Variants in C1RL observed in about 807,000 individuals in gnomAD.
C1RL encodes the protein complement C1r subcomponent-like protein.
C1RL carries 27 observed loss-of-function variants against 27.9 expected under a neutral mutation model. That is an observed-to-expected ratio of 0.97 (90% confidence interval 0.71 to 1.33). C1RL has a LOEUF of 1.33. Among genes scored for constraint, C1RL ranks in the 40% most tolerant of loss-of-function variants. The pLI, the probability that C1RL is intolerant of heterozygous loss-of-function variation, is 0.00. For missense variants in C1RL, 563 were observed against 623.9 expected (o/e 0.90, Z 1.04); for synonymous variants, 248 against 252.1 (o/e 0.98, Z 0.15).
chr12:7,094,896 TA>T lies in C1RL; in HGVS notation c.*1494del. 7 of 1,006,920 alleles carry T rather than the reference TA, an allele frequency of 7.0e-6. No individual in the cohort carries two copies. Among genetic ancestry groups the T allele is most frequent in the Non-Finnish European group, 8.3e-6 (7 of 842,190 alleles). The allele number at this position is 1,006,920 out of a possible 1,614,324, so 62.4% of individuals were successfully genotyped here. A position where few individuals can be genotyped will look rare whatever the true frequency, so the allele number is the denominator to read the frequency against. On this transcript the variant is annotated 3_prime_UTR_variant, in exon 6 of 6. Transcript: ENST00000266542. ...ACCTGCCTTTTGGGAATATTTTTAA[TA>T]ATCTTTTGTACTGTATGTGGGTGTA...
chr12:7,096,690 G>C lies in C1RL; in HGVS notation c.1165C>G (p.Leu389Val), dbSNP rs759069993. The C allele has an allele frequency of 6.2e-7, 1 of 1,613,972 alleles. No homozygotes were observed. Among genetic ancestry groups the C allele is most frequent in the Admixed American group, 1.7e-5 (1 of 59,998 alleles). ...GCTACAGGCAGCCTCGAGTACTTCAGCTCAGTAGTTAGCCAGCCCATCTCC... is the reference window on the plus strand; with the variant it reads ...GCTACAGGCAGCCTCGAGTACTTCACCTCAGTAGTTAGCCAGCCCATCTCC... The part of the protein sequence containing the change: ...GMEMGWLTTE[L>V]KYSRLPVAPR... Residue 389 changes from leucine to valine, a missense_variant, in exon 6 of 6, where the codon CTG becomes GTG. Coordinates refer to ENST00000266542, the MANE Select transcript of C1RL (RefSeq NM_016546.4).
At chr12:7,099,659 G>C in intron 5 of C1RL, 27 bp downstream of exon 5, 1 of 1,550,396 alleles carries the variant, frequency 6.4e-7, no homozygotes, top group Non-Finnish European at 8.7e-7. Flanking sequence ...CTTGTTGGGG[G>C]AATGGTGCTA....
intron 1 of C1RL, 98 bp downstream of exon 1, chr12:7,109,012 G>GTGTGTGT: frequency 6.1e-6 from 1 of 164,968 alleles, no homozygotes; most frequent in Admixed American, 1.1e-4. Context: ...ATGTGTGTGT[G>GTGTGTGT]GGGGGGGTAG....
At position 7,099,886 on chromosome 12, in the gene C1RL, C is replaced by T. The variant is rs1938563024; in HGVS notation, c.616+15G>A. 1.2e-6 allele frequency: 2 copies of T among 1,613,562 alleles called. No individual in the cohort carries two copies. Among genetic ancestry groups the T allele is most frequent in the South Asian group, 1.1e-5 (1 of 91,062 alleles). ...GAGGTGGATGGAAGCCACCCCTCGG[C>T]AGGTGGGGACTCACCTGCTGCCGCG... On this transcript the variant is annotated intron_variant, in intron 4 of 5. Transcript: ENST00000266542.
intron 2 of C1RL, among the ~76,000 whole-genome samples, chr12:7,107,121 C>T (rs765854240): frequency 5.3e-5 from 8 of 151,508 alleles, no homozygotes; most frequent in East Asian, 1.9e-4. Context: ...CACTCAGGGG[C>T]GGGGAGGAAC....
intron 3 of C1RL, among the ~76,000 whole-genome samples, 160 bp from the exon 4 acceptor site, chr12:7,100,186 C>A (rs923252272): frequency 6.6e-6 from 1 of 152,106 alleles, no homozygotes; most frequent in African/African-American, 2.4e-5. Flanking sequence ...ATTGACAACA[C>A]TCAAAGAGTT....
Position 7,096,902 on chromosome 12 carries a change from G to C in C1RL, c.953C>G (p.Pro318Arg). 1 of 1,602,432 alleles carries C rather than the reference G, an allele frequency of 6.2e-7. No individual in the cohort carries two copies. Among genetic ancestry groups the C allele is most frequent in the Non-Finnish European group, 8.5e-7 (1 of 1,172,754 alleles). Reference protein sequence around the residue: ...IDEMLKLGNHPVHRVVVHPDY... With the variant: ...IDEMLKLGNHRVHRVVVHPDY... ...GGGGTGCACAACGACACGGTGGACA[G>C]GGTGGTTCCCCAGTTTCAGCATCTC... The change falls in exon 6 of 6, where the codon CCT becomes CGT. Residue 318 changes from proline to arginine, a missense_variant. Physicochemically the swap from Pro to Arg is moderately radical, Grantham distance 103. Transcript: ENST00000266542.
chr12:7,095,728 AC>A lies in C1RL; in HGVS notation c.*662del. ...AAGAGCACAGTCTCTGCAGTCACACACCAGCTGTGGGACTTGGGCAAGTCCC... is the reference window on the plus strand; with the variant it reads ...AAGAGCACAGTCTCTGCAGTCACACACAGCTGTGGGACTTGGGCAAGTCCC... On this transcript the variant is annotated 3_prime_UTR_variant, in exon 6 of 6. Coordinates refer to ENST00000266542, the MANE Select transcript of C1RL (RefSeq NM_016546.4). 1 of 891,130 alleles carries A rather than the reference AC, an allele frequency of 1.1e-6. No individual in the cohort carries two copies. The highest frequency in any genetic ancestry group is 1.3e-6 in the Non-Finnish European group (1 of 744,144). The allele number at this position is 891,130 out of a possible 1,614,324, so 55.2% of individuals were successfully genotyped here. A position where few individuals can be genotyped will look rare whatever the true frequency, so the allele number is the denominator to read the frequency against.
rs113832615 is a variant in C1RL at position 7,108,924 on chromosome 12, G to GTGC, written c.71+183_71+185dup. On this transcript the variant is annotated intron_variant, in intron 1 of 5. Transcript: ENST00000266542. ...TCAGTCTCCCCATGGAATATCTGCTGTGCTGCTGCTGCTGCTGCTGCTGGT... is the reference window on the plus strand; with the variant it reads ...TCAGTCTCCCCATGGAATATCTGCTGTGCTGCTGCTGCTGCTGCTGCTGCTGGT... 1,487 of 586,250 alleles carry GTGC rather than the reference G, an allele frequency of 2.5e-3. 13 individuals are homozygous for GTGC. The highest frequency in any genetic ancestry group is 0.019 in the African/African-American group (1,002 of 51,800). The allele number at this position is 586,250 out of a possible 1,614,324, so 36.3% of individuals were successfully genotyped here.
intron 2 of C1RL, among the ~76,000 whole-genome samples, chr12:7,107,351 G>C (rs1482083445): frequency 6.6e-6 from 1 of 151,958 alleles, no homozygotes; most frequent in Non-Finnish European, 1.5e-5. Context: ...AAATTTTTTT[G>C]TAGAGATGGG....
At position 7,108,376 on chromosome 12, in the gene C1RL, C is replaced by G. The variant is rs774056364; in HGVS notation, c.175G>C (p.Glu59Gln). The change falls in exon 2 of 6, where the codon GAG becomes CAG. Residue 59 changes from glutamate (E) to glutamine (Q), a missense_variant. By Grantham distance (29) the Glu-to-Gln change is conservative. Transcript: ENST00000266542. ...PQQLTSPGYP[E>Q]PYGKGQESST... ...CTCTCTTGGCCTTTGCCATACGGCT[C>G]TGGGTACCCGGGGGATGTCAGCTGC... is the stretch of plus-strand genomic sequence containing the variant. 1.2e-6 allele frequency: 2 copies of G among 1,614,210 alleles called. No individual in the cohort carries two copies. Among genetic ancestry groups the G allele is most frequent in the Non-Finnish European group, 1.7e-6 (2 of 1,180,020 alleles).
At chr12:7,097,213 C>T (rs750984825) in intron 5 of C1RL, 50 bp from the exon 6 acceptor site, 4 of 1,513,674 alleles carry the variant, frequency 2.6e-6, no homozygotes, top group Non-Finnish European at 3.6e-6. Context: ...CATCTAGACA[C>T]ACTGATTAAA....
intron 5 of C1RL, chr12:7,099,270 C>G (rs1055748114): frequency 1.3e-5 from 2 of 154,962 alleles, no homozygotes; most frequent in African/African-American, 2.5e-5. Context: ...CCACTGCGCC[C>G]AGCCATGAAT....
At position 7,095,494 on chromosome 12, in the gene C1RL, G is replaced by T; in HGVS notation, c.*897C>A. The T allele has an allele frequency of 1.0e-6, 1 of 988,796 alleles. No homozygotes were observed. The highest frequency in any genetic ancestry group is 1.2e-6 in the Non-Finnish European group (1 of 831,882). The allele number at this position is 988,796 out of a possible 1,614,324, so 61.3% of individuals were successfully genotyped here. ...TTCCCCTGATGATAGGGGCACAGGT[G>T]GGGTGTCTGCAAGAACTTCAGTCCA... On this transcript the variant is annotated 3_prime_UTR_variant, in exon 6 of 6. Transcript: ENST00000266542.
In C1RL at chr12:7,097,116, C is replaced by A. The variant is rs746308813; in HGVS notation, c.739G>T (p.Gly247Cys). ...TPIAQNQTTL[G>C]SSRAKLGNFP... ...TTGCCCAGCTTGGCTCTGGAAGAAC[C>A]GAGGGTCGTCTGATTCTGGGCAATG... Residue 247 changes from glycine to cysteine, a missense_variant, in exon 6 of 6, where the codon GGT becomes TGT. Gly to Cys is a radical substitution (Grantham distance 159). Transcript: ENST00000266542. The A allele has an allele frequency of 6.2e-7, 1 of 1,613,228 alleles. No homozygotes were observed. The highest frequency in any genetic ancestry group is 8.5e-7 in the Non-Finnish European group (1 of 1,179,596).
In C1RL at chr12:7,096,100, C is replaced by T. The variant is rs1268387853; in HGVS notation, c.*291G>A. 12 of 1,167,590 alleles carry T rather than the reference C, an allele frequency of 1.0e-5. No homozygotes were observed. The highest frequency in any genetic ancestry group is 3.3e-5 in the South Asian group (1 of 30,262). 72.3% of individuals were successfully genotyped at this position (1,167,590 alleles called of 1,614,324 possible). ...AAGGCGGTTCTAAGGACATTCAAGG[C>T]GAAAGTTGTTGAGATGTACAGGCTT... On this transcript the variant is annotated 3_prime_UTR_variant, in exon 6 of 6. Coordinates refer to ENST00000266542, the MANE Select transcript of C1RL (RefSeq NM_016546.4).
intron 2 of C1RL, among the ~76,000 whole-genome samples, chr12:7,105,258 A>G (rs1384067026): frequency 6.7e-6 from 1 of 149,508 alleles, no homozygotes; most frequent in East Asian, 2.0e-4. Flanking sequence ...TCAGTATTTT[A>G]GTGCTCCACT....
In C1RL at chr12:7,095,996, C is replaced by T. The variant is rs2135750951; in HGVS notation, c.*395G>A. On this transcript the variant is annotated 3_prime_UTR_variant, in exon 6 of 6. Coordinates refer to ENST00000266542, the MANE Select transcript of C1RL (RefSeq NM_016546.4). ...AATGCAATGCAATGAAAACCCCTTC[C>T]TCCATACTCTAATAGCGGGTGAGTA... is the stretch of plus-strand genomic sequence containing the variant. 2 of 1,005,972 alleles carry T rather than the reference C, an allele frequency of 2.0e-6. No homozygotes were observed. Among genetic ancestry groups the T allele is most frequent in the Non-Finnish European group, 1.2e-6 (1 of 844,506 alleles). 62.3% of individuals were successfully genotyped at this position (1,005,972 alleles called of 1,614,324 possible). A position where few individuals can be genotyped will look rare whatever the true frequency, so the allele number is the denominator to read the frequency against.
Position 7,099,903 on chromosome 12 carries a change from G to A in C1RL, c.614C>T (p.Ala205Val). The A allele has an allele frequency of 6.2e-7, 1 of 1,614,076 alleles. No homozygotes were observed. ...CCCCTCGGCAGGTGGGGACTCACCT[G>A]CTGCCGCGGCCTGATAATAGGGCTC... is the stretch of plus-strand genomic sequence containing the variant. ...CQEPYYQAAA[A>V]GALTCATPGT... The change falls in exon 4 of 6, where the codon GCA becomes GTA. Residue 205 changes from alanine to valine, a missense_variant and splice_region_variant. Ala to Val is a moderately conservative substitution (Grantham distance 64, BLOSUM62 0). Transcript: ENST00000266542.
Sources: allele counts gnomAD v4.1 joint callset (sites outside exome capture counted in the v4.1 genomes callset), GRCh38; gene constraint gnomAD v4.1.1; transcripts MANE v1.5; gene names NCBI Gene and HGNC (gene_info 2026-07-23, HGNC 2026-07-21).